The following PRLR variants were observed in gnomAD, a reference collection of about 807,000 sequenced individuals.
PRLR encodes prolactin receptor, also known as hPRL receptor.
Under a neutral mutation model 40.2 loss-of-function variants are expected in PRLR, and 13 were observed. That is an observed-to-expected ratio of 0.32 (90% CI 0.21 to 0.51). The LOEUF (loss-of-function observed/expected upper bound fraction) is 0.51, where lower values mean the gene tolerates loss of function less well. Ranked by LOEUF, PRLR falls within the 20% of genes least tolerant of loss-of-function variation. The pLI, the probability that PRLR is intolerant of heterozygous loss-of-function variation, is 0.97. For missense variants in PRLR, 656 were observed against 747.3 expected (o/e 0.88, Z 1.42); for synonymous variants, 269 against 278.7 (o/e 0.97, Z 0.35).
At chr5:35,051,868 A>G (rs1223414892), downstream of PRLR, among the ~76,000 whole-genome samples, 1 of 152,202 alleles carries the variant, frequency 6.6e-6, no homozygotes, top group Non-Finnish European at 1.5e-5. Context: ...AAAGAAACTT[A>G]CCAGAGAATT....
rs892505047 is a variant in PRLR, at chr5:35,064,250, A to G, written c.*839T>C. 1 of 152,198 alleles carries G rather than the reference A, an allele frequency of 6.6e-6. No homozygotes were observed. Among genetic ancestry groups the G allele is most frequent in the Non-Finnish European group, 1.5e-5 (1 of 68,030 alleles). The allele number at this position is 152,198 out of a possible 1,614,324, so 9.4% of individuals were successfully genotyped here. On this transcript the variant is annotated 3_prime_UTR_variant, in exon 10 of 10. Coordinates refer to ENST00000618457, the MANE Select transcript of PRLR (RefSeq NM_000949.7). ...GTATGTACAGTAAGGCAGTAATTCC[A>G]TTAGCATCCTGCTGTGGTTTTCTTT...
intron 1 of PRLR, among the ~76,000 whole-genome samples, chr5:35,215,432 G>C (rs1394921004): frequency 2.6e-5 from 4 of 152,138 alleles, no homozygotes; most frequent in Non-Finnish European, 5.9e-5. Context: ...TGAACTCTTG[G>C]TGAGGATGAT....
intron 2 of PRLR, among the ~76,000 whole-genome samples, chr5:35,094,473 G>A (rs1204811394): frequency 2.0e-5 from 3 of 152,016 alleles, no homozygotes; most frequent in Non-Finnish European, 4.4e-5. Flanking sequence ...TTGTTTCCAG[G>A]TTTTGGCAAA....
chr5:35,199,445 A>C (rs73078870), intron 1 of PRLR, among the ~76,000 whole-genome samples: 3,650 of 152,220 alleles, frequency 0.024, 157 homozygotes, highest in African/African-American at 0.083. Context: ...AATAATTCTC[A>C]CTCTCTCCTA....
At chr5:35,159,237 T>C (rs553491263) in intron 1 of PRLR, among the ~76,000 whole-genome samples, 1 of 152,172 alleles carries the variant, frequency 6.6e-6, no homozygotes, top group African/African-American at 2.4e-5. Context: ...GTGACAATTT[T>C]TGGCATCCTT....
At chr5:35,141,231 T>C (rs996833053) in intron 1 of PRLR, among the ~76,000 whole-genome samples, 1 of 145,546 alleles carries the variant, frequency 6.9e-6, no homozygotes, top group Admixed American at 6.7e-5. Context: ...GATTCCTTAA[T>C]ACCTGAAAAA....
chr5:35,194,798 G>T (rs768278745), intron 1 of PRLR, among the ~76,000 whole-genome samples: 3 of 152,172 alleles, frequency 2.0e-5, no homozygotes, highest in Non-Finnish European at 2.9e-5. Context: ...TTAGGGAAGT[G>T]AAACTATTCT....
intron 2 of PRLR, among the ~76,000 whole-genome samples, chr5:35,105,769 C>G (rs1772199076): frequency 6.6e-6 from 1 of 152,152 alleles, no homozygotes; most frequent in Admixed American, 6.5e-5. Context: ...CTGAAAGTAA[C>G]AAGGAGAATG....
chr5:35,067,639 G>A (rs994380315), intron 9 of PRLR, among the ~76,000 whole-genome samples: 10 of 152,168 alleles, frequency 6.6e-5, no homozygotes, highest in Admixed American at 1.3e-4. Flanking sequence ...TCAATTTGGA[G>A]AAAAATTTAA....
rs73091140 is a variant in PRLR, at chr5:35,067,558, C to G, written c.855+658G>C. Reference sequence around the variant, plus strand: ...CCAGAGCAGCTGGGTCAAGTATTTGCCTTAATGTACAGCTAGTTGCTTTTA... The same window carrying G: ...CCAGAGCAGCTGGGTCAAGTATTTGGCTTAATGTACAGCTAGTTGCTTTTA... On this transcript the variant is annotated intron_variant, in intron 9 of 9. Coordinates refer to ENST00000618457, the MANE Select transcript of PRLR (RefSeq NM_000949.7). 7.3e-3 allele frequency among the ~76,000 whole-genome samples: 1,119 copies of G among 152,258 alleles called. 15 individuals carry two copies. Among genetic ancestry groups the G allele is most frequent in the African/African-American group, 0.026 (1,065 of 41,540 alleles).
chr5:35,186,858 C>T (rs970469451), intron 1 of PRLR, among the ~76,000 whole-genome samples: 4 of 152,298 alleles, frequency 2.6e-5, no homozygotes, highest in African/African-American at 7.2e-5. Flanking sequence ...TTCTGCACCC[C>T]GCTGTGTGAT....
At chr5:35,129,670 T>A (rs74584847) in intron 1 of PRLR, among the ~76,000 whole-genome samples, 3 of 94,854 alleles carry the variant, frequency 3.2e-5, no homozygotes, top group Non-Finnish European at 3.6e-5. Context: ...CTGTAATCAA[T>A]TTTTTTTTTT....
chr5:35,212,296 G>A (rs1776189555), intron 1 of PRLR, among the ~76,000 whole-genome samples: 1 of 152,224 alleles, frequency 6.6e-6, no homozygotes, highest in African/African-American at 2.4e-5. Flanking sequence ...ATTTTAGAAA[G>A]CTGGTGAGTT....
chr5:35,121,940 A>G (rs1773306998), intron 1 of PRLR, among the ~76,000 whole-genome samples: 1 of 152,224 alleles, frequency 6.6e-6, no homozygotes, highest in Non-Finnish European at 1.5e-5. Flanking sequence ...TGCTGATGAT[A>G]GAGCTGTGGA....
At chr5:35,134,191 A>T (rs1473778422) in intron 1 of PRLR, among the ~76,000 whole-genome samples, 2 of 152,216 alleles carry the variant, frequency 1.3e-5, no homozygotes, top group Admixed American at 6.5e-5. Flanking sequence ...TAAAAAAAAT[A>T]AACAACAAAC....
intron 1 of PRLR, among the ~76,000 whole-genome samples, chr5:35,211,006 C>T (rs1470967166): frequency 6.6e-6 from 1 of 152,212 alleles, no homozygotes; most frequent in Non-Finnish European, 1.5e-5. Flanking sequence ...AGCCACTGCG[C>T]TCATCCTAAC....
downstream of PRLR, among the ~76,000 whole-genome samples, chr5:35,052,637 A>C (rs867080526): frequency 6.6e-6 from 1 of 152,158 alleles, no homozygotes; most frequent in Non-Finnish European, 1.5e-5. Flanking sequence ...AAATATTACT[A>C]TAACTTTACA....
At position 35,106,066 on chromosome 5, in the gene PRLR, A is replaced by G. The variant is rs1772226894; in HGVS notation, c.-44+11995T>C. Among the ~76,000 whole-genome samples, 3 of 152,222 alleles carry G rather than the reference A, an allele frequency of 2.0e-5. No homozygotes were observed. The South Asian group carries it at 6.2e-4, about 31-fold the overall frequency. On this transcript the variant is annotated intron_variant, in intron 2 of 9. Coordinates refer to ENST00000618457, the MANE Select transcript of PRLR (RefSeq NM_000949.7). ...TGCAAGCCAGAAGAGAGTGGGGGCCAATATTCAACATTCTTAAAGAAAAGA... is the reference window on the plus strand; with the variant it reads ...TGCAAGCCAGAAGAGAGTGGGGGCCGATATTCAACATTCTTAAAGAAAAGA...
At chr5:35,165,504 C>G (rs934639111) in intron 1 of PRLR, among the ~76,000 whole-genome samples, 8 of 152,178 alleles carry the variant, frequency 5.3e-5, no homozygotes, top group African/African-American at 1.9e-4. Context: ...AGTAGAACCA[C>G]CTATTTCATT....
Sources: gnomAD v4.1 joint callset for allele counts (sites outside exome capture counted in the v4.1 genomes callset) on GRCh38, gnomAD v4.1.1 for gene constraint, MANE v1.5 for transcripts, NCBI Gene and HGNC (gene_info 2026-07-23, HGNC 2026-07-21) for gene names.